ANKUB1: variants seen among roughly 807,000 people sequenced by gnomAD.
The protein encoded by ANKUB1 is ankyrin repeat and ubiquitin domain containing 1.
Under a neutral mutation model 49.3 loss-of-function variants are expected in ANKUB1, and 42 were observed. The ratio of observed to expected loss-of-function variants is 0.85; its 90% CI spans 0.67 to 1.10. The LOEUF (loss-of-function observed/expected upper bound fraction) is 1.10, where lower values mean the gene tolerates loss of function less well. ANKUB1 is among the 50% of genes least tolerant of loss of function. The pLI is 0.00. For synonymous variants in ANKUB1, 222 were observed against 231.0 expected (o/e 0.96, Z 0.35); for missense variants, 613 against 642.0 (o/e 0.95, Z 0.49).
intron 4 of ANKUB1, among the ~76,000 whole-genome samples, chr3:149,768,978 A>C (rs1576670327): frequency 6.6e-6 from 1 of 152,276 alleles, no homozygotes; most frequent in East Asian, 1.9e-4. Context: ...GTATTAAATA[A>C]ATATACACTA....
chr3:149,767,310 A>C lies in ANKUB1; in HGVS notation c.1352T>G (p.Leu451Arg). 6.4e-7 allele frequency: 1 copy of C among 1,551,544 alleles called. No homozygotes were observed. The highest frequency in any genetic ancestry group is 8.7e-7 in the Non-Finnish European group (1 of 1,146,948). ...ATATCCCACTCTTGAAACTGGAGGG[A>C]GGGGGACTTGGGGAAGATATGTGTT... The part of the protein sequence containing the change: ...IKNTYLPQVP[L>R]PPVSRVGYSH... The change falls in exon 5 of 6, where the codon CTC becomes CGC. Residue 451 changes from leucine to arginine, a missense_variant. Leu to Arg is a moderately radical substitution (Grantham distance 102, BLOSUM62 -2). Transcript: ENST00000446160.
chr3:149,778,781 A>G (rs985807272), intron 3 of ANKUB1: 1 of 152,262 alleles, frequency 6.6e-6, no homozygotes, highest in Non-Finnish European at 1.5e-5. Flanking sequence ...ATAGGAAAGA[A>G]TAATGCTAAG....
intron 2 of ANKUB1, among the ~76,000 whole-genome samples, chr3:149,781,514 A>T (rs1275038570): frequency 1.3e-5 from 2 of 151,876 alleles, no homozygotes; most frequent in African/African-American, 4.8e-5. Flanking sequence ...TGAATGCGGG[A>T]CTCTCTCAGA....
intron 3 of ANKUB1, chr3:149,778,965 T>C (rs1372351332): frequency 6.6e-6 from 1 of 152,200 alleles, no homozygotes; most frequent in Non-Finnish European, 1.5e-5. Context: ...TCAGCAAGGA[T>C]TCATTTACTT....
chr3:149,764,326 C>T (rs1716897448), intron 5 of ANKUB1, among the ~76,000 whole-genome samples: 1 of 151,312 alleles, frequency 6.6e-6, no homozygotes, highest in Non-Finnish European at 1.5e-5. Context: ...CCTTCCCTTC[C>T]ACAGCCCACC....
At chr3:149,762,009 G>T (rs1412469039) in intron 5 of ANKUB1, among the ~76,000 whole-genome samples, 1 of 152,100 alleles carries the variant, frequency 6.6e-6, no homozygotes, top group African/African-American at 2.4e-5. Context: ...TAGGTATTTT[G>T]ATAGTCTTTA....
chr3:149,782,022 A>T (rs80187551), intron 2 of ANKUB1, among the ~76,000 whole-genome samples: 2,603 of 152,296 alleles, frequency 0.017, 80 homozygotes, highest in African/African-American at 0.059. Context: ...GTATCTGTTC[A>T]AGCTAATGTA....
chr3:149,789,885 G>A (rs1355117515), intron 2 of ANKUB1, among the ~76,000 whole-genome samples: 1 of 152,044 alleles, frequency 6.6e-6, no homozygotes, highest in African/African-American at 2.4e-5. Context: ...ACCCAGGTGT[G>A]AGCCACTGCA....
chr3:149,768,824 T>A (rs772505425), intron 4 of ANKUB1, among the ~76,000 whole-genome samples: 3 of 151,720 alleles, frequency 2.0e-5, no homozygotes, highest in Non-Finnish European at 2.9e-5. Flanking sequence ...ATTACAGGTG[T>A]GAACCACTGT....
At chr3:149,772,024 C>CT (rs398062912) in intron 3 of ANKUB1, among the ~76,000 whole-genome samples, 9,756 of 133,180 alleles carry the variant, frequency 0.073, 545 homozygotes, top group East Asian at 0.25. Context: ...TCCATCCTTC[C>CT]TTTTTTTTTT....
intron 3 of ANKUB1, among the ~76,000 whole-genome samples, chr3:149,777,500 C>CAAAAAA (rs1553743228): frequency 6.6e-6 from 1 of 151,332 alleles, no homozygotes; most frequent in Non-Finnish European, 1.5e-5. Flanking sequence ...ACAACAACAA[C>CAAAAAA]AAAAAAACAC....
At chr3:149,761,667 T>C (rs1226482585) in intron 5 of ANKUB1, 54 bp from the exon 6 acceptor site, 26 of 1,512,884 alleles carry the variant, frequency 1.7e-5, no homozygotes, top group Non-Finnish European at 2.1e-5. Context: ...TCTGCATACA[T>C]AGCTGAAAAA....
At chr3:149,776,810 C>T (rs1717615492) in intron 3 of ANKUB1, among the ~76,000 whole-genome samples, 1 of 151,626 alleles carries the variant, frequency 6.6e-6, no homozygotes, top group Non-Finnish European at 1.5e-5. Flanking sequence ...AAAATACACA[C>T]ACACACACAC....
intron 4 of ANKUB1, among the ~76,000 whole-genome samples, chr3:149,769,481 C>T (rs1166737294): frequency 2.5e-4 from 38 of 152,234 alleles, no homozygotes; most frequent in Non-Finnish European, 4.4e-5. Context: ...AAGATACAGA[C>T]GTCCTTTGAC....
intron 5 of ANKUB1, among the ~76,000 whole-genome samples, chr3:149,765,141 A>G (rs1341988794): frequency 6.6e-6 from 1 of 152,252 alleles, no homozygotes; most frequent in Non-Finnish European, 1.5e-5. Flanking sequence ...CTACATAGAA[A>G]TAAGAACAAT....
At chr3:149,761,939 T>C (rs1321708564) in intron 5 of ANKUB1, among the ~76,000 whole-genome samples, 1 of 152,218 alleles carries the variant, frequency 6.6e-6, no homozygotes, top group Non-Finnish European at 1.5e-5. Flanking sequence ...CCTGGCCTCC[T>C]CTTTTCTCCA....
intron 3 of ANKUB1, among the ~76,000 whole-genome samples, chr3:149,774,157 T>C (rs2108269630): frequency 6.6e-6 from 1 of 152,328 alleles, no homozygotes; most frequent in South Asian, 2.1e-4. Context: ...ACTTTTTGGG[T>C]TTAAGACTAA....
Position 149,764,063 on chromosome 3 carries a change from G to C in ANKUB1, c.1506-2450C>G, listed in dbSNP as rs1042106000. On this transcript the variant is annotated intron_variant, in intron 5 of 5. Transcript: ENST00000446160. The stretch of plus-strand genomic sequence containing the variant: ...GTCAGCATCATGAAGGATTACATTA[G>C]GTTCTTCCCCATTTCCTGGCTATGA... The C allele has an allele frequency of 4.0e-5, 18 of 455,668 alleles. No individual in the cohort carries two copies. The Middle Eastern group carries it at 1.3e-3, about 33-fold the overall frequency. 28.2% of individuals were successfully genotyped at this position (455,668 alleles called of 1,614,324 possible).
chr3:149,787,048 C>G (rs1209407516), intron 2 of ANKUB1, among the ~76,000 whole-genome samples: 1 of 152,114 alleles, frequency 6.6e-6, no homozygotes, highest in Non-Finnish European at 1.5e-5. Context: ...ATCATCTTGG[C>G]AATGCGGGCT....
Sources: gnomAD v4.1 joint callset for allele counts (sites outside exome capture counted in the v4.1 genomes callset) on GRCh38, gnomAD v4.1.1 for gene constraint, MANE v1.5 for transcripts, NCBI Gene and HGNC (gene_info 2026-07-23, HGNC 2026-07-21) for gene names.